ADORA2B: variants seen among roughly 807,000 people sequenced by gnomAD.
ADORA2B encodes adenosine receptor A2b.
In ADORA2B, 18 loss-of-function variants were observed where a neutral mutation model predicts 20.8. The ratio of observed to expected loss-of-function variants is 0.87; its 90% confidence interval spans 0.60 to 1.29. The LOEUF (loss-of-function observed/expected upper bound fraction) is 1.29, where lower values mean the gene tolerates loss of function less well. Among genes scored for constraint, ADORA2B ranks in the 50% most tolerant of loss-of-function variants. ADORA2B has a pLI of 0.00. For missense variants in ADORA2B, 441 were observed against 422.7 expected, an observed-to-expected ratio of 1.04 and a Z score of -0.38; for synonymous variants, 179 against 178.3, an observed-to-expected ratio of 1.00 and a Z score of -0.03.
the ADORA2B span, among the ~76,000 whole-genome samples, chr17:15,853,542 A>G: frequency 6.6e-6 from 1 of 152,250 alleles, no homozygotes; most frequent in Non-Finnish European, 1.5e-5. Flanking sequence ...AGTGCTCTGT[A>G]TAGTACTACT....
At chr17:15,955,500 G>T (rs536535142) in intron 1 of ADORA2B, among the ~76,000 whole-genome samples, 1 of 150,754 alleles carries the variant, frequency 6.6e-6, no homozygotes, top group Non-Finnish European at 1.5e-5. Flanking sequence ...TCCATCTCCC[G>T]GGCTCAGGCA....
chr17:15,932,754 C>T, the ADORA2B span, among the ~76,000 whole-genome samples: 3 of 152,062 alleles, frequency 2.0e-5, no homozygotes, highest in Non-Finnish European at 4.4e-5. Flanking sequence ...ATCAATTGAC[C>T]ATAAATGTAA....
chr17:15,974,460 A>AGTT (rs1258551225), intron 1 of ADORA2B: 2 of 508,710 alleles, frequency 3.9e-6, no homozygotes, highest in Non-Finnish European at 6.9e-6. Context: ...AACAGAAAGG[A>AGTT]GTTGCTAAGT....
chr17:15,966,004 G>A (rs1970110925), intron 1 of ADORA2B, among the ~76,000 whole-genome samples: 1 of 152,220 alleles, frequency 6.6e-6, no homozygotes, highest in Non-Finnish European at 1.5e-5. Context: ...TTTTGTTAGT[G>A]CTCTAGTGAC....
At chr17:15,904,789 G>A in the ADORA2B span, among the ~76,000 whole-genome samples, 3 of 152,162 alleles carry the variant, frequency 2.0e-5, no homozygotes, top group Admixed American at 6.5e-5. Flanking sequence ...TGGGCATCCA[G>A]TTATTTCAAC....
At chr17:15,901,706 A>T in the ADORA2B span, among the ~76,000 whole-genome samples, 6 of 152,244 alleles carry the variant, frequency 3.9e-5, no homozygotes, top group African/African-American at 9.6e-5. Flanking sequence ...AACCATGGTG[A>T]CAGTTGTGTC....
At chr17:15,951,492 A>G (rs1369620794) in intron 1 of ADORA2B, among the ~76,000 whole-genome samples, 1 of 152,126 alleles carries the variant, frequency 6.6e-6, no homozygotes, top group South Asian at 2.1e-4. Context: ...TCCCAACTCC[A>G]CTTCCCAGGC....
intron 1 of ADORA2B, among the ~76,000 whole-genome samples, chr17:15,958,971 A>G (rs1294315747): frequency 1.3e-5 from 2 of 152,296 alleles, no homozygotes; most frequent in South Asian, 4.1e-4. Flanking sequence ...GGCAGTATAC[A>G]TGTGCATGCA....
At chr17:15,861,897 C>G in the ADORA2B span, among the ~76,000 whole-genome samples, 2 of 152,248 alleles carry the variant, frequency 1.3e-5, no homozygotes, top group South Asian at 2.1e-4. Flanking sequence ...ACTCTGTCCT[C>G]TGCACTCCTC....
the ADORA2B span, among the ~76,000 whole-genome samples, chr17:15,939,263 G>A: frequency 2.0e-3 from 298 of 152,096 alleles, 2 homozygotes; most frequent in African/African-American, 6.8e-3. Flanking sequence ...GGCTGGTCTT[G>A]AACTCCTGAC....
chr17:15,917,628 G>A, the ADORA2B span, among the ~76,000 whole-genome samples: 1 of 152,222 alleles, frequency 6.6e-6, no homozygotes, highest in East Asian at 1.9e-4. Context: ...CAGCAATCTC[G>A]CGCTCCCGGG....
At chr17:15,973,541 C>T (rs1012428475) in intron 1 of ADORA2B, among the ~76,000 whole-genome samples, 2 of 152,192 alleles carry the variant, frequency 1.3e-5, no homozygotes, top group Non-Finnish European at 2.9e-5. Flanking sequence ...AGCAGGCAGG[C>T]GAGCATTACT....
At chr17:15,966,351 G>A (rs780737121) in intron 1 of ADORA2B, among the ~76,000 whole-genome samples, 2 of 152,200 alleles carry the variant, frequency 1.3e-5, no homozygotes, top group South Asian at 4.1e-4. Context: ...TAGTGTTTCC[G>A]ATGGGAAGCT....
chr17:15,893,345 T>G, the ADORA2B span, among the ~76,000 whole-genome samples: 2 of 152,242 alleles, frequency 1.3e-5, no homozygotes, highest in Non-Finnish European at 2.9e-5. Context: ...ACCATTTCCC[T>G]GGGGAAAAAT....
At chr17:15,941,154 T>C (rs910758939), upstream of ADORA2B, among the ~76,000 whole-genome samples, 1 of 152,148 alleles carries the variant, frequency 6.6e-6, no homozygotes, top group African/African-American at 2.4e-5. Flanking sequence ...AAGTCCCACT[T>C]GAGTTTCTAG....
rs77625636 is a variant in ADORA2B, at chr17:15,975,579, C to G, written c.*237C>G. The G allele has an allele frequency of 2.5e-3, 1,303 of 524,982 alleles. 19 individuals carry two copies. Among genetic ancestry groups the G allele is most frequent in the African/African-American group, 0.023 (1,226 of 52,660 alleles). The allele number at this position is 524,982 out of a possible 1,614,324, so 32.5% of individuals were successfully genotyped here. ...GCTTTTACTGTGTGGATTATGCCAACAGCTTGAATGGATTCTAACAGACTC... is the reference window on the plus strand; with the variant it reads ...GCTTTTACTGTGTGGATTATGCCAAGAGCTTGAATGGATTCTAACAGACTC... On this transcript the variant is annotated 3_prime_UTR_variant, in exon 2 of 2. Transcript: ENST00000304222.
the ADORA2B span, among the ~76,000 whole-genome samples, chr17:15,859,659 C>T: frequency 6.6e-6 from 1 of 152,012 alleles, no homozygotes; most frequent in Non-Finnish European, 1.5e-5. Flanking sequence ...TACGAAATAT[C>T]ATCTGACCAG....
At chr17:15,902,716 C>T in the ADORA2B span, among the ~76,000 whole-genome samples, 1 of 152,176 alleles carries the variant, frequency 6.6e-6, no homozygotes, top group Non-Finnish European at 1.5e-5. Context: ...CCACACCAAA[C>T]CACATGGGAG....
chr17:15,936,258 A>G, the ADORA2B span, among the ~76,000 whole-genome samples: 1 of 151,898 alleles, frequency 6.6e-6, no homozygotes, highest in African/African-American at 2.4e-5. Flanking sequence ...GAGATTCTCT[A>G]TTTGGTGAGA....
Sources: gnomAD v4.1 joint callset for allele counts (sites outside exome capture counted in the v4.1 genomes callset) on GRCh38, gnomAD v4.1.1 for gene constraint, MANE v1.5 for transcripts, NCBI Gene and HGNC (gene_info 2026-07-23, HGNC 2026-07-21) for gene names.